The following CCDC42 variants were observed in gnomAD, a reference collection of about 807,000 sequenced individuals.
CCDC42 encodes coiled-coil domain containing 42.
Under a neutral mutation model 40.8 loss-of-function variants are expected in CCDC42, and 38 were observed. The observed-to-expected ratio is 0.93, with a 90% confidence interval of 0.72 to 1.22. CCDC42 has a LOEUF of 1.22. Among genes scored for constraint, CCDC42 ranks in the 50% most tolerant of loss-of-function variants. The probability of loss-of-function intolerance (pLI) is 0.00; values close to 1 mark genes in which losing one functional copy is unlikely to be tolerated. For missense variants in CCDC42, 379 were observed against 416.5 expected (o/e 0.91, Z 0.78); for synonymous variants, 135 against 157.5 (o/e 0.86, Z 1.07).
intron 3 of CCDC42, 40 bp downstream of exon 3, chr17:8,743,586 G>A: frequency 8.5e-7 from 1 of 1,172,542 alleles, no homozygotes; most frequent in East Asian, 2.3e-5. Flanking sequence ...TGCGGACTAT[G>A]GATCCCCTGG....
At chr17:8,743,603 C>A (rs754636077) in intron 3 of CCDC42, 23 bp downstream of exon 3, 1 of 1,419,224 alleles carries the variant, frequency 7.0e-7, no homozygotes, top group Non-Finnish European at 1.0e-6. Context: ...CTGGCCACTG[C>A]GGCCGCCCAC....
chr17:8,738,075 C>T (rs145065042), intron 4 of CCDC42, among the ~76,000 whole-genome samples: 4,530 of 152,252 alleles, frequency 0.03, 235 homozygotes, highest in African/African-American at 0.1. Flanking sequence ...ATCCTCCCAC[C>T]TCAGCCTCCC....
chr17:8,744,829 C>T lies in CCDC42; in HGVS notation c.-220G>A. On this transcript the variant is annotated 5_prime_UTR_variant, in exon 1 of 7. Transcript: ENST00000293845. ...GGGCAGTTATGGGAGATGTGGTTAC[C>T]TAGCAACAGGCTGCCTGGTTCTGTG... 1 of 581,472 alleles carries T rather than the reference C, an allele frequency of 1.7e-6. No individual in the cohort carries two copies. The highest frequency in any genetic ancestry group is 2.9e-5 in the East Asian group (1 of 34,382). The allele number at this position is 581,472 out of a possible 1,614,324, so 36.0% of individuals were successfully genotyped here.
At chr17:8,743,427 T>C (rs988973381) in intron 3 of CCDC42, among the ~76,000 whole-genome samples, 199 bp downstream of exon 3, 1 of 152,044 alleles carries the variant, frequency 6.6e-6, no homozygotes, top group Non-Finnish European at 1.5e-5. Context: ...CAGAGACTGA[T>C]AGGTAAATGG....
chr17:8,744,393 G>T, intron 1 of CCDC42, 134 bp downstream of exon 1: 1 of 795,874 alleles, frequency 1.3e-6, no homozygotes, highest in Non-Finnish European at 2.1e-6. Context: ...GTGATGAGGT[G>T]GACTGGTGCC....
In CCDC42 at chr17:8,735,398, T is replaced by A. The variant is rs2086604435; in HGVS notation, c.706A>T (p.Ile236Phe). 6.2e-7 allele frequency: 1 copy of A among 1,613,338 alleles called. No homozygotes were observed. The highest frequency in any genetic ancestry group is 8.5e-7 in the Non-Finnish European group (1 of 1,179,590). Residue 236 changes from isoleucine to phenylalanine, a missense_variant, in exon 5 of 7, where the codon ATC becomes TTC. Transcript: ENST00000293845. This position sits in a 1 kb window ranked among gnomAD's most constrained non-coding sequence, Gnocchi z 4.7. ...MRFDRARSNV[I>F]FWESRWAHIQ... is the part of the protein sequence containing the mutation. The stretch of plus-strand genomic sequence containing the variant: ...CGCCCCGGGCCCCTCACCCAGAAGA[T>A]GACATTGCTGCGGGCACGGTCAAAG...
At position 8,743,607 on chromosome 17, in the gene CCDC42, C is replaced by T. The variant is rs752231004; in HGVS notation, c.294+19G>A. ...CTATGGATCCCCTGGCCACTGCGGC[C>T]GCCCACACCCCTTCAAACCTGGATG... On this transcript the variant is annotated intron_variant, in intron 3 of 6. Transcript: ENST00000293845. 16 of 1,486,676 alleles carry T rather than the reference C, an allele frequency of 1.1e-5. No homozygotes were observed. Among genetic ancestry groups the T allele is most frequent in the South Asian group, 5.6e-5 (5 of 88,532 alleles). 92.1% of individuals were successfully genotyped at this position (1,486,676 alleles called of 1,614,324 possible).
rs969401690 is a variant in CCDC42 at position 8,730,285 on chromosome 17, T to C, written c.874-78A>G. On this transcript the variant is annotated intron_variant, in intron 6 of 6. Transcript: ENST00000293845. ...TCCCAAGATGGAGCATCCCAGACAT[T>C]CACTTGTAAAGAATTCATCATTGCT... 6.5e-6 allele frequency: 6 copies of C among 917,998 alleles called. No individual in the cohort carries two copies. The Admixed American group carries it at 1.4e-4, about 22-fold the overall frequency. 56.9% of individuals were successfully genotyped at this position (917,998 alleles called of 1,614,324 possible).
chr17:8,730,825 C>A (rs146415566), intron 6 of CCDC42, among the ~76,000 whole-genome samples: 1 of 152,106 alleles, frequency 6.6e-6, no homozygotes, highest in Non-Finnish European at 1.5e-5. Context: ...AAGAAAGGGT[C>A]ACAAGCAGGC....
intron 6 of CCDC42, among the ~76,000 whole-genome samples, chr17:8,734,758 A>ATTCAG (rs2086599706): frequency 6.6e-6 from 1 of 152,164 alleles, no homozygotes; most frequent in Non-Finnish European, 1.5e-5. Context: ...CAACTAATGG[A>ATTCAG]TTCAGTAGTG....
chr17:8,731,214 A>G (rs1201381469), intron 6 of CCDC42, among the ~76,000 whole-genome samples: 3 of 152,194 alleles, frequency 2.0e-5, no homozygotes, highest in Non-Finnish European at 4.4e-5. Context: ...GTGAGATACC[A>G]TCTCACACCA....
Sources: allele counts gnomAD v4.1 joint callset (sites outside exome capture counted in the v4.1 genomes callset), GRCh38; gene constraint gnomAD v4.1.1; non-coding constraint Gnocchi (gnomAD v3.1); transcripts MANE v1.5; gene names NCBI Gene and HGNC (gene_info 2026-07-23, HGNC 2026-07-21).